The following MARCHF1 variants were observed in gnomAD, a reference collection of about 807,000 sequenced individuals.
The protein encoded by MARCHF1 is E3 ubiquitin-protein ligase MARCHF1.
Under a neutral mutation model 54.2 loss-of-function variants are expected in MARCHF1, and 40 were observed. The observed-to-expected ratio is 0.74, with a 90% CI of 0.57 to 0.96. The LOEUF (loss-of-function observed/expected upper bound fraction) is 0.96. MARCHF1 is among the 40% of genes least tolerant of loss of function. The pLI is 0.00. For missense variants in MARCHF1, 586 were observed against 656.5 expected, an observed-to-expected ratio of 0.89 and a Z score of 1.17; for synonymous variants, 236 against 236.3, an observed-to-expected ratio of 1.00 and a Z score of 0.01.
chr4:163,932,553 G>C (rs1308556039), intron 3 of MARCHF1: 1 of 358,770 alleles, frequency 2.8e-6, no homozygotes, highest in Non-Finnish European at 5.5e-6. Context: ...GATCCAGAAG[G>C]CTAAGCTAGC....
At chr4:163,684,742 A>G (rs921808720) in intron 5 of MARCHF1, among the ~76,000 whole-genome samples, 8 of 152,200 alleles carry the variant, frequency 5.3e-5, no homozygotes, top group African/African-American at 1.7e-4. Flanking sequence ...TCTATCCTAT[A>G]TATTGCTACC....
intron 3 of MARCHF1, among the ~76,000 whole-genome samples, chr4:163,883,901 C>A (rs1210256769): frequency 2.0e-5 from 3 of 152,132 alleles, no homozygotes; most frequent in Admixed American, 6.5e-5. Flanking sequence ...CACAAAATAG[C>A]AAATTGGTAT....
intron 3 of MARCHF1, among the ~76,000 whole-genome samples, chr4:163,925,469 T>C (rs28668000): frequency 0.02 from 3,099 of 151,940 alleles, 150 homozygotes; most frequent in East Asian, 0.19. Context: ...TGGAAATAAT[T>C]CTTTTAAATC....
intron 1 of MARCHF1, among the ~76,000 whole-genome samples, chr4:164,199,675 C>CAGAG (rs1320121142): frequency 4.5e-3 from 243 of 54,374 alleles, no homozygotes; most frequent in Admixed American, 0.012. Flanking sequence ...CACACACACA[C>CAGAG]ACACACAGAG....
At chr4:164,129,333 G>A (rs1408326161) in intron 1 of MARCHF1, among the ~76,000 whole-genome samples, 1 of 152,058 alleles carries the variant, frequency 6.6e-6, no homozygotes, top group Non-Finnish European at 1.5e-5. Flanking sequence ...TTTTATAGTG[G>A]CTTGGTAATA....
chr4:163,978,928 T>A (rs1050089502), intron 3 of MARCHF1, among the ~76,000 whole-genome samples: 1 of 151,904 alleles, frequency 6.6e-6, no homozygotes, highest in Non-Finnish European at 1.5e-5. Context: ...GGTATCATTA[T>A]GTTGCCGGCG....
At position 163,545,666 on chromosome 4, in the gene MARCHF1, G is replaced by A. The variant is rs1384318690; in HGVS notation, c.1269C>T (p.Thr423=). 1 of 1,614,014 alleles carries A rather than the reference G, an allele frequency of 6.2e-7. No individual in the cohort carries two copies. Among genetic ancestry groups the A allele is most frequent in the Admixed American group, 1.7e-5 (1 of 60,004 alleles). Reference sequence around the variant, plus strand: ...ATACATACAAAGACCAAACCACACAGGTGATCGCGATTACGTGGAATGTGA... The same window carrying A: ...ATACATACAAAGACCAAACCACACAAGTGATCGCGATTACGTGGAATGTGA... ...CSVTFHVIAI[T]CVVWSLYVLI... Residue 423 remains threonine (T), a synonymous_variant, in exon 9 of 10, where the codon ACC becomes ACT. Coordinates refer to ENST00000514618, the MANE Select transcript of MARCHF1 (RefSeq NM_001394959.1).
At chr4:163,749,469 A>G (rs1746457167) in intron 4 of MARCHF1, among the ~76,000 whole-genome samples, 1 of 152,054 alleles carries the variant, frequency 6.6e-6, no homozygotes, top group South Asian at 2.1e-4. Flanking sequence ...AATATTGAAT[A>G]TTAATAGAAG....
chr4:163,742,605 T>C (rs1746238988), intron 4 of MARCHF1, among the ~76,000 whole-genome samples: 1 of 151,906 alleles, frequency 6.6e-6, no homozygotes, highest in Non-Finnish European at 1.5e-5. Context: ...GCCTCCTGAG[T>C]AGCTTGGACC....
At chr4:164,288,486 T>C (rs972145995) in intron 1 of MARCHF1, among the ~76,000 whole-genome samples, 5 of 151,900 alleles carry the variant, frequency 3.3e-5, no homozygotes, top group African/African-American at 1.2e-4. Context: ...AGGGAAAGAA[T>C]AGCTAAATGA....
At chr4:163,735,336 G>A (rs368236848) in intron 4 of MARCHF1, among the ~76,000 whole-genome samples, 21 of 152,140 alleles carry the variant, frequency 1.4e-4, no homozygotes, top group African/African-American at 5.1e-4. Flanking sequence ...TGGTTATGGA[G>A]AACTTGTCTG....
chr4:163,774,374 T>C (rs1747244527), intron 4 of MARCHF1, among the ~76,000 whole-genome samples: 2 of 152,208 alleles, frequency 1.3e-5, no homozygotes, highest in South Asian at 4.1e-4. Flanking sequence ...GTGATTATCT[T>C]TGGAATGTAT....
intron 4 of MARCHF1, among the ~76,000 whole-genome samples, chr4:163,834,321 C>T (rs1346057737): frequency 6.6e-6 from 1 of 151,760 alleles, no homozygotes; most frequent in Non-Finnish European, 1.5e-5. Flanking sequence ...GTGTAGAATG[C>T]TCTTTGTCCT....
At chr4:163,966,696 G>T (rs1235405617) in intron 3 of MARCHF1, among the ~76,000 whole-genome samples, 4 of 152,022 alleles carry the variant, frequency 2.6e-5, no homozygotes, top group Non-Finnish European at 5.9e-5. Flanking sequence ...ATTCTTATTA[G>T]CATCACAATT....
At chr4:164,357,689 C>A (rs989363362) in intron 1 of MARCHF1, among the ~76,000 whole-genome samples, 1 of 152,012 alleles carries the variant, frequency 6.6e-6, no homozygotes, top group African/African-American at 2.4e-5. Context: ...AGAAGAAAAT[C>A]AGAATCTTAT....
chr4:163,722,185 C>G lies in MARCHF1; in HGVS notation c.112-21322G>C, dbSNP rs185220977. Among the ~76,000 whole-genome samples the G allele has an allele frequency of 7.5e-3, 1,147 of 152,224 alleles. 8 individuals are homozygous for G. The highest frequency in any genetic ancestry group is 0.022 in the South Asian group (104 of 4,818). ...GGCATTTAGTGCTATAAATTTCCCT[C>G]TACACACTGCTTTAAATGTGTCCCA... On this transcript the variant is annotated intron_variant, in intron 4 of 9. Coordinates refer to ENST00000514618, the MANE Select transcript of MARCHF1 (RefSeq NM_001394959.1).
intron 5 of MARCHF1, among the ~76,000 whole-genome samples, chr4:163,671,545 G>C (rs1174203659): frequency 6.6e-6 from 1 of 152,164 alleles, no homozygotes; most frequent in East Asian, 1.9e-4. Flanking sequence ...TGTCTTTGTA[G>C]ATACTTTCCT....
chr4:163,738,424 A>G (rs1056950944), intron 4 of MARCHF1, among the ~76,000 whole-genome samples: 1 of 149,814 alleles, frequency 6.7e-6, no homozygotes, highest in Non-Finnish European at 1.5e-5. Context: ...AGAGCTGCAT[A>G]TTTTGTAAGA....
chr4:163,595,872 C>T (rs1356708714), intron 7 of MARCHF1, among the ~76,000 whole-genome samples: 1 of 151,912 alleles, frequency 6.6e-6, no homozygotes, highest in Non-Finnish European at 1.5e-5. Flanking sequence ...TACTGTACTC[C>T]ACACTTCAAT....
Sources: allele counts gnomAD v4.1 joint callset (sites outside exome capture counted in the v4.1 genomes callset), GRCh38; gene constraint gnomAD v4.1.1; transcripts MANE v1.5; gene names NCBI Gene and HGNC (gene_info 2026-07-23, HGNC 2026-07-21).